The following RCAN3 variants were observed in gnomAD, a reference collection of about 807,000 sequenced individuals.
RCAN3 encodes the protein regulator of calcineurin 3.
Under a neutral mutation model 21.9 loss-of-function variants are expected in RCAN3, and 19 were observed. The ratio of observed to expected loss-of-function variants is 0.87; its 90% CI spans 0.61 to 1.27. The LOEUF is 1.27. Among genes scored for constraint, RCAN3 ranks in the 50% most tolerant of loss-of-function variants. RCAN3 has a pLI of 0.00. For synonymous variants in RCAN3, 114 were observed against 112.3 expected (o/e 1.01, Z -0.09); for missense variants, 240 against 300.1 (o/e 0.80, Z 1.48).
intron 4 of RCAN3, among the ~76,000 whole-genome samples, chr1:24,534,807 A>T (rs13374268): frequency 0.03 from 4,525 of 152,226 alleles, 250 homozygotes; most frequent in African/African-American, 0.1. Flanking sequence ...TCAAATAAAT[A>T]AATTAATTAA....
intron 3 of RCAN3, among the ~76,000 whole-genome samples, chr1:24,532,067 G>A (rs1254421054): frequency 3.3e-5 from 5 of 151,574 alleles, no homozygotes; most frequent in Non-Finnish European, 4.4e-5. Context: ...TGCCTTCCAC[G>A]TAAAAACCTA....
At chr1:24,504,117 T>C (rs1647270404) in intron 1 of RCAN3, among the ~76,000 whole-genome samples, 1 of 152,208 alleles carries the variant, frequency 6.6e-6, no homozygotes, top group Admixed American at 6.5e-5. Context: ...AAACTGAGTC[T>C]CTTCTTTAGC....
chr1:24,529,335 C>T (rs1460011555), intron 2 of RCAN3, among the ~76,000 whole-genome samples: 2 of 151,278 alleles, frequency 1.3e-5, no homozygotes, highest in Non-Finnish European at 2.9e-5. Flanking sequence ...GGAAGATTGC[C>T]TGAGCTCAGG....
chr1:24,511,476 G>A (rs1047251550), intron 1 of RCAN3, among the ~76,000 whole-genome samples: 20 of 149,864 alleles, frequency 1.3e-4, no homozygotes, highest in African/African-American at 5.1e-4. Flanking sequence ...CATGTGTATT[G>A]GTGAAGAACA....
At position 24,533,175 on chromosome 1, in the gene RCAN3, G is replaced by A. The variant is rs196430; in HGVS notation, c.462G>A (p.Pro154=). 535,192 of 1,604,188 alleles carry A rather than the reference G, an allele frequency of 0.33. 93,295 individuals carry two copies. Among genetic ancestry groups the A allele is most frequent in the East Asian group, 0.67 (29,432 of 43,740 alleles). Residue 154 remains proline (P), a synonymous_variant, in exon 4 of 5, where the codon CCG becomes CCA. Transcript: ENST00000374395. ...TCATCTCCCCTCCAGCCTCTCCCCC[G>A]GTGGGGTGGAAGCAGAGCGAAGATG... ...QFLISPPASP[P]VGWKQSEDAM...
At chr1:24,509,399 C>G (rs1311271250) in intron 1 of RCAN3, among the ~76,000 whole-genome samples, 1 of 152,184 alleles carries the variant, frequency 6.6e-6, no homozygotes, top group Non-Finnish European at 1.5e-5. Flanking sequence ...ATCCTCTAAA[C>G]CCTGCCATTG....
Position 24,541,006 on chromosome 1 carries a change from G to A in RCAN3, c.*5729G>A, listed in dbSNP as rs1325176651. The A allele has an allele frequency of 2.6e-5, 4 of 152,126 alleles. No homozygotes were observed. Among genetic ancestry groups the A allele is most frequent in the Non-Finnish European group, 4.4e-5 (3 of 68,008 alleles). 9.4% of individuals were successfully genotyped at this position (152,126 alleles called of 1,614,324 possible). On this transcript the variant is annotated 3_prime_UTR_variant, in exon 5 of 5. Coordinates refer to ENST00000374395, the MANE Select transcript of RCAN3 (RefSeq NM_013441.4). Reference sequence around the variant, plus strand: ...CTGTAACAAGTTCTGTTTTTAAAACGAATACAAATAAAGTTAGTAACTATT... The same window carrying A: ...CTGTAACAAGTTCTGTTTTTAAAACAAATACAAATAAAGTTAGTAACTATT...
rs1650155291 is a variant in RCAN3, at chr1:24,535,346, G to C, written c.*69G>C. 1 of 1,468,212 alleles carries C rather than the reference G, an allele frequency of 6.8e-7. No individual in the cohort carries two copies. The highest frequency in any genetic ancestry group is 9.0e-7 in the Non-Finnish European group (1 of 1,110,300). 90.9% of individuals were successfully genotyped at this position (1,468,212 alleles called of 1,614,324 possible). On this transcript the variant is annotated 3_prime_UTR_variant, in exon 5 of 5. Coordinates refer to ENST00000374395, the MANE Select transcript of RCAN3 (RefSeq NM_013441.4). Reference sequence around the variant, plus strand: ...GCCATGGCGCTCTGTGCCTGCGGCCGATGCGTTGCTGCGAACAGCATAGGT... The same window carrying C: ...GCCATGGCGCTCTGTGCCTGCGGCCCATGCGTTGCTGCGAACAGCATAGGT...
At chr1:24,511,116 A>G (rs1647842581) in intron 1 of RCAN3, among the ~76,000 whole-genome samples, 1 of 152,192 alleles carries the variant, frequency 6.6e-6, no homozygotes, top group Non-Finnish European at 1.5e-5. Context: ...GATTGAGGCC[A>G]TCCTGGCCAA....
At chr1:24,511,371 A>T (rs965184143) in intron 1 of RCAN3, among the ~76,000 whole-genome samples, 8 of 152,186 alleles carry the variant, frequency 5.3e-5, no homozygotes, top group African/African-American at 1.7e-4. Context: ...TTGGTTAAGG[A>T]CACCCACAAC....
At chr1:24,522,988 C>G (rs1648938592) in intron 2 of RCAN3, among the ~76,000 whole-genome samples, 4 of 151,854 alleles carry the variant, frequency 2.6e-5, no homozygotes, top group Admixed American at 2.6e-4. Flanking sequence ...TATGAAATTG[C>G]TATATTTGTT....
At position 24,503,017 on chromosome 1, in the gene RCAN3, GCCCCGCAGCTCGCGCCGTCCGGCT is replaced by G. The variant is rs1647205979; in HGVS notation, c.-183_-160del. The G allele has an allele frequency of 6.7e-6, 1 of 149,674 alleles. No individual in the cohort carries two copies. Among genetic ancestry groups the G allele is most frequent in the Admixed American group, 6.6e-5 (1 of 15,086 alleles). The allele number at this position is 149,674 out of a possible 1,614,324, so 9.3% of individuals were successfully genotyped here. Reference sequence around the variant, plus strand: ...CCCGCCGCCCACCAGGCTCCCAGAGGCCCCGCAGCTCGCGCCGTCCGGCTCCCCGCAGCCCCGTCGGGCAGCCCG... The same window carrying G: ...CCCGCCGCCCACCAGGCTCCCAGAGGCCCCGCAGCCCCGTCGGGCAGCCCG... On this transcript the variant is annotated 5_prime_UTR_variant, in exon 1 of 5. Coordinates refer to ENST00000374395, the MANE Select transcript of RCAN3 (RefSeq NM_013441.4).
In RCAN3 at chr1:24,531,213, T is replaced by C; in HGVS notation, c.196-5T>C. The C allele has an allele frequency of 6.6e-7, 1 of 1,511,602 alleles. No homozygotes were observed. Among genetic ancestry groups the C allele is most frequent in the Non-Finnish European group, 8.9e-7 (1 of 1,122,076 alleles). The allele number at this position is 1,511,602 out of a possible 1,614,324, so 93.6% of individuals were successfully genotyped here. A position where few individuals can be genotyped will look rare whatever the true frequency, so the allele number is the denominator to read the frequency against. ...TCCCTTTGCCTTGCTGCTCCTTAAT[T>C]GTAGGAAAGATTTGAAGCACTCTTC... On this transcript the variant is annotated splice_polypyrimidine_tract_variant and splice_region_variant and intron_variant, in intron 2 of 4. Coordinates refer to ENST00000374395, the MANE Select transcript of RCAN3 (RefSeq NM_013441.4).
rs1647204173 is a variant in RCAN3, at chr1:24,502,963, G to C, written c.-247G>C. On this transcript the variant is annotated 5_prime_UTR_variant, in exon 1 of 5. Coordinates refer to ENST00000374395, the MANE Select transcript of RCAN3 (RefSeq NM_013441.4). ...GCGTGGCGGCGAGGCTGCTGCTGCA[G>C]GCGGCTCCCGGCTCTGCCTTCGGCC... 1 of 149,744 alleles carries C rather than the reference G, an allele frequency of 6.7e-6. No homozygotes were observed. The highest frequency in any genetic ancestry group is 1.5e-5 in the Non-Finnish European group (1 of 67,072). The allele number at this position is 149,744 out of a possible 1,614,324, so 9.3% of individuals were successfully genotyped here.
rs1446570355 is a variant in RCAN3 at position 24,505,174 on chromosome 1, G to A, written c.-60+2024G>A. Among the ~76,000 whole-genome samples, 4 of 148,124 alleles carry A rather than the reference G, an allele frequency of 2.7e-5. 1 individual carries two copies. Among genetic ancestry groups the A allele is most frequent in the Non-Finnish European group, 4.4e-5 (3 of 67,446 alleles). On this transcript the variant is annotated intron_variant, in intron 1 of 4. Transcript: ENST00000374395. ...CTTCGTGATAGCCGTTCAGAACTTC[G>A]CATTGACGATCCTAAGTGGCTTTTT...
chr1:24,518,169 T>A (rs894147829), intron 2 of RCAN3, among the ~76,000 whole-genome samples: 20 of 144,010 alleles, frequency 1.4e-4, no homozygotes, highest in South Asian at 4.3e-4. Context: ...TATAAAAAAA[T>A]TTTTTTTTCC....
intron 1 of RCAN3, among the ~76,000 whole-genome samples, chr1:24,513,611 C>G (rs527480120): frequency 1.3e-5 from 2 of 151,060 alleles, no homozygotes; most frequent in Non-Finnish European, 3.0e-5. Flanking sequence ...GAGCCGGGAT[C>G]GCGCCACTGC....
At chr1:24,505,475 C>T (rs900793180) in intron 1 of RCAN3, among the ~76,000 whole-genome samples, 6 of 151,808 alleles carry the variant, frequency 4.0e-5, no homozygotes, top group Non-Finnish European at 5.9e-5. Flanking sequence ...CGCCTGCCTC[C>T]GCCTCCCAAA....
intron 3 of RCAN3, among the ~76,000 whole-genome samples, chr1:24,532,808 C>T (rs1360573570): frequency 2.0e-5 from 3 of 151,092 alleles, no homozygotes; most frequent in Non-Finnish European, 3.0e-5. Flanking sequence ...CAAAATTAGC[C>T]GGGCGTGGTG....
Sources: gnomAD v4.1 joint callset for allele counts (sites outside exome capture counted in the v4.1 genomes callset) on GRCh38, gnomAD v4.1.1 for gene constraint, MANE v1.5 for transcripts, NCBI Gene and HGNC (gene_info 2026-07-23, HGNC 2026-07-21) for gene names.